The following PCDH11X variants were observed in gnomAD, a reference collection of about 807,000 sequenced individuals.
PCDH11X encodes protocadherin 11 X-linked.
PCDH11X carries 18 observed loss-of-function variants against 53.3 expected under a neutral mutation model. The observed-to-expected ratio is 0.34, with a 90% confidence interval of 0.23 to 0.50. The LOEUF (loss-of-function observed/expected upper bound fraction) is 0.50, where lower values mean the gene tolerates loss of function less well. Ranked by LOEUF, PCDH11X falls within the 20% of genes least tolerant of loss-of-function variation. PCDH11X has a pLI of 0.98. For missense variants in PCDH11X, 570 were observed against 1,032.4 expected, an observed-to-expected ratio of 0.55 and a Z score of 6.14; for synonymous variants, 279 against 393.3, an observed-to-expected ratio of 0.71 and a Z score of 3.44.
chrX:92,144,309 T>C (rs2089938477), intron 6 of PCDH11X, among the ~76,000 whole-genome samples: 1 of 109,211 alleles, frequency 9.2e-6, no homozygotes, highest in African/African-American at 3.4e-5. Context: ...CGAAATGATA[T>C]GGTTTGGCTG....
At chrX:91,784,419 C>T (rs762638699) in intron 1 of PCDH11X, among the ~76,000 whole-genome samples, 1 of 112,249 alleles carries the variant, frequency 8.9e-6, no homozygotes, top group Admixed American at 9.4e-5. Context: ...CATCATCTAT[C>T]CACTCAGATC....
At chrX:91,991,534 C>A (rs2062324635) in intron 6 of PCDH11X, among the ~76,000 whole-genome samples, 2 of 93,643 alleles carry the variant, frequency 2.1e-5, no homozygotes, top group Admixed American at 2.3e-4. Context: ...AAATCACTTT[C>A]TCTTAGACGT....
chrX:91,889,759 A>T (rs1409089611), intron 6 of PCDH11X, among the ~76,000 whole-genome samples: 3 of 109,073 alleles, frequency 2.8e-5, no homozygotes, highest in African/African-American at 1.0e-4. Flanking sequence ...TATTTTGCTG[A>T]CCTGACAGAA....
chrX:92,360,731 A>G (rs1007094587), intron 8 of PCDH11X, among the ~76,000 whole-genome samples: 6 of 110,778 alleles, frequency 5.4e-5, no homozygotes, highest in Non-Finnish European at 1.1e-4. Flanking sequence ...CTTAGTGTCT[A>G]TATGCTGCAG....
At chrX:91,943,369 C>T (rs980996587) in intron 6 of PCDH11X, among the ~76,000 whole-genome samples, 4 of 110,110 alleles carry the variant, frequency 3.6e-5, no homozygotes, top group Non-Finnish European at 5.7e-5. Flanking sequence ...AGACAGTATA[C>T]GAAAAATCTC....
At chrX:91,912,335 GC>G (rs1234886112) in intron 6 of PCDH11X, among the ~76,000 whole-genome samples, 2 of 111,101 alleles carry the variant, frequency 1.8e-5, no homozygotes, top group Non-Finnish European at 3.8e-5. Context: ...GGTGAAATTG[GC>G]CATTCTTGTC....
At chrX:91,892,012 G>T (rs1256476929) in intron 6 of PCDH11X, among the ~76,000 whole-genome samples, 1 of 83,082 alleles carries the variant, frequency 1.2e-5, no homozygotes, top group Non-Finnish European at 2.3e-5. Context: ...TAATTAGAGG[G>T]GTGTGTGTGT....
chrX:92,331,542 G>GA (rs1159800646), intron 8 of PCDH11X, among the ~76,000 whole-genome samples: 2 of 107,208 alleles, frequency 1.9e-5, no homozygotes, highest in East Asian at 5.9e-4. Flanking sequence ...GTTTCGTTGG[G>GA]AAAAAAATAT....
intron 7 of PCDH11X, among the ~76,000 whole-genome samples, chrX:92,255,133 C>T (rs1318726343): frequency 9.4e-5 from 10 of 106,586 alleles, no homozygotes; most frequent in Admixed American, 8.1e-4. Flanking sequence ...GGAGGCTTTG[C>T]TCGTTTCTTT....
At chrX:92,012,364 A>G (rs1253947065) in intron 6 of PCDH11X, among the ~76,000 whole-genome samples, 1 of 110,074 alleles carries the variant, frequency 9.1e-6, no homozygotes, top group Admixed American at 9.9e-5. Context: ...AAGTTATCCC[A>G]TACGTAAAAT....
At chrX:92,456,653 T>C (rs1260406677) in intron 9 of PCDH11X, among the ~76,000 whole-genome samples, 3 of 111,753 alleles carry the variant, frequency 2.7e-5, no homozygotes, top group Non-Finnish European at 5.7e-5. Context: ...TTAACATGTC[T>C]TTTGCAGTGA....
chrX:91,921,065 G>T (rs1941721667), intron 6 of PCDH11X, among the ~76,000 whole-genome samples: 1 of 111,884 alleles, frequency 8.9e-6, no homozygotes, highest in Non-Finnish European at 1.9e-5. Context: ...AGCTTCCAGT[G>T]ATGGTTCATC....
intron 6 of PCDH11X, among the ~76,000 whole-genome samples, chrX:92,183,060 C>A (rs1036998456): frequency 9.0e-6 from 1 of 110,984 alleles, no homozygotes; most frequent in Non-Finnish European, 1.9e-5. Context: ...TACCACACAT[C>A]TAATCTTTCA....
chrX:91,787,896 C>T (rs1045841414), intron 1 of PCDH11X, among the ~76,000 whole-genome samples: 10 of 110,536 alleles, frequency 9.0e-5, no homozygotes, highest in African/African-American at 3.3e-4. Flanking sequence ...AACAAATATT[C>T]GTTGTCACTC....
At chrX:91,907,410 CACAG>C (rs1281666563) in intron 6 of PCDH11X, among the ~76,000 whole-genome samples, 6 of 56,220 alleles carry the variant, frequency 1.1e-4, no homozygotes, top group African/African-American at 4.4e-4. Context: ...CACACACACA[CACAG>C]AGAGAGAGAG....
chrX:92,195,602 A>G, intron 6 of PCDH11X, among the ~76,000 whole-genome samples: 1 of 111,497 alleles, frequency 9.0e-6, no homozygotes, highest in African/African-American at 3.3e-5. Flanking sequence ...ATTTTTCTCA[A>G]GATCTCATCA....
At chrX:92,231,209 A>T (rs2067069754) in intron 7 of PCDH11X, among the ~76,000 whole-genome samples, 1 of 111,160 alleles carries the variant, frequency 9.0e-6, no homozygotes, top group African/African-American at 3.3e-5. Flanking sequence ...AGATGGGAAT[A>T]TTTTTTTGGT....
At chrX:92,041,750 T>A (rs2063212692) in intron 6 of PCDH11X, among the ~76,000 whole-genome samples, 1 of 111,887 alleles carries the variant, frequency 8.9e-6, no homozygotes, top group African/African-American at 3.2e-5. Context: ...GGTGGGCAGA[T>A]TACGAGCTCA....
At chrX:91,957,552 G>T (rs2061726198) in intron 6 of PCDH11X, among the ~76,000 whole-genome samples, 1 of 101,186 alleles carries the variant, frequency 9.9e-6, no homozygotes, top group Admixed American at 1.0e-4. Flanking sequence ...GTCTGCTTTA[G>T]ACCCTAGTTG....
Sources: allele counts gnomAD v4.1 joint callset (sites outside exome capture counted in the v4.1 genomes callset), GRCh38; gene constraint gnomAD v4.1.1; transcripts MANE v1.5; gene names NCBI Gene and HGNC (gene_info 2026-07-23, HGNC 2026-07-21).